Variants in TXNRD3 observed in about 807,000 individuals in gnomAD.
TXNRD3 encodes the protein thioredoxin reductase 3, also known as TXNRD3 neighbor gene protein.
TXNRD3 carries 68 observed loss-of-function variants against 78.2 expected under a neutral mutation model. The observed-to-expected ratio is 0.87, with a 90% CI of 0.72 to 1.06. TXNRD3 has a LOEUF of 1.06. Ranked by LOEUF, TXNRD3 falls within the 50% of genes least tolerant of loss-of-function variation. The probability of loss-of-function intolerance (pLI) is 0.00; values close to 1 mark genes in which losing one functional copy is unlikely to be tolerated. For missense variants in TXNRD3, 751 were observed against 809.5 expected, an observed-to-expected ratio of 0.93 and a Z score of 0.88; for synonymous variants, 296 against 300.1, an observed-to-expected ratio of 0.99 and a Z score of 0.14.
Position 126,608,902 on chromosome 3 carries a change from T to C in TXNRD3, c.1729-269A>G, listed in dbSNP as rs181610119. Among the ~76,000 whole-genome samples, 17 of 152,322 alleles carry C rather than the reference T, an allele frequency of 1.1e-4. No individual in the cohort carries two copies. In the East Asian group the frequency reaches 3.3e-3, roughly 29 times the overall value. Reference sequence around the variant, plus strand: ...TGCATGAAGGAGTTCATTAGTATGATGTAAATTTCCAAATTATGCTGAGAC... The same window carrying C: ...TGCATGAAGGAGTTCATTAGTATGACGTAAATTTCCAAATTATGCTGAGAC... On this transcript the variant is annotated intron_variant, in intron 14 of 15. Coordinates refer to ENST00000524230, the MANE Select transcript of TXNRD3 (RefSeq NM_052883.3).
At chr3:126,641,093 C>T (rs1382749115) in intron 6 of TXNRD3, among the ~76,000 whole-genome samples, 2 of 152,146 alleles carry the variant, frequency 1.3e-5, no homozygotes, top group Non-Finnish European at 2.9e-5. Flanking sequence ...ATCCTTGTAG[C>T]CAAGGATAAT....
intron 6 of TXNRD3, among the ~76,000 whole-genome samples, chr3:126,641,632 G>A (rs557838297): frequency 9.3e-4 from 141 of 152,254 alleles, no homozygotes; most frequent in African/African-American, 2.5e-3. Context: ...GCCAATACAT[G>A]TTTACTAGAT....
chr3:126,627,427 T>G (rs1174793217), intron 10 of TXNRD3, among the ~76,000 whole-genome samples: 1 of 152,212 alleles, frequency 6.6e-6, no homozygotes, highest in African/African-American at 2.4e-5. Context: ...CACAGAGCGC[T>G]TTCTGGACTC....
intron 1 of TXNRD3, among the ~76,000 whole-genome samples, chr3:126,650,493 T>G (rs570753591): frequency 3.9e-4 from 60 of 152,022 alleles, no homozygotes; most frequent in Non-Finnish European, 6.0e-4. Flanking sequence ...ATGCAAAAAT[T>G]ACTGAGGTGT....
At chr3:126,638,451 T>C (rs981084862) in intron 6 of TXNRD3, among the ~76,000 whole-genome samples, 1 of 152,132 alleles carries the variant, frequency 6.6e-6, no homozygotes, top group Non-Finnish European at 1.5e-5. Context: ...GAAAGCATTT[T>C]AGCCGGGCAC....
chr3:126,633,154 C>T (rs1411955588), intron 7 of TXNRD3, among the ~76,000 whole-genome samples: 1 of 151,902 alleles, frequency 6.6e-6, no homozygotes, highest in African/African-American at 2.4e-5. Context: ...TGATAACAAC[C>T]GTTAAACCTA....
chr3:126,654,931 G>C lies in TXNRD3; in HGVS notation c.60C>G (p.Arg20=), dbSNP rs1452504023. The change falls in exon 1 of 16, where the codon CGC becomes CGG. Residue 20 remains arginine (R), a synonymous_variant. Transcript: ENST00000524230. ...GCGCCCCTCGGACATGGCCCGAGCG[G>C]CGGTTGGGGGCATCGCCCGCCTTTC... is the stretch of plus-strand genomic sequence containing the variant. 2 of 1,295,790 alleles carry C rather than the reference G, an allele frequency of 1.5e-6. No homozygotes were observed. Among genetic ancestry groups the C allele is most frequent in the Non-Finnish European group, 1.9e-6 (2 of 1,028,380 alleles). 80.3% of individuals were successfully genotyped at this position (1,295,790 alleles called of 1,614,324 possible). A position where few individuals can be genotyped will look rare whatever the true frequency, so the allele number is the denominator to read the frequency against.
rs1938694460 is a variant in TXNRD3, at chr3:126,630,829, GACA to G, written c.1077_1079del (p.Val360del). ...GAAGGATTGAGCGTACCATAACTGT[GACA>G]TCTAGGCCAAAGCCAGCCAGAAACC... On this transcript the variant is annotated inframe_deletion, in exon 9 of 16. Coordinates refer to ENST00000524230, the MANE Select transcript of TXNRD3 (RefSeq NM_052883.3). 1.3e-6 allele frequency: 2 copies of G among 1,535,676 alleles called. No homozygotes were observed. The highest frequency in any genetic ancestry group is 1.7e-6 in the Non-Finnish European group (2 of 1,146,892).
chr3:126,629,486 G>A lies in TXNRD3; in HGVS notation c.1198-15C>T, dbSNP rs967356825. 4 of 1,514,568 alleles carry A rather than the reference G, an allele frequency of 2.6e-6. No individual in the cohort carries two copies. The highest frequency in any genetic ancestry group is 1.4e-5 in the African/African-American group (1 of 72,542). The allele number at this position is 1,514,568 out of a possible 1,614,324, so 93.8% of individuals were successfully genotyped here. On this transcript the variant is annotated splice_polypyrimidine_tract_variant and intron_variant, in intron 9 of 15. Coordinates refer to ENST00000524230, the MANE Select transcript of TXNRD3 (RefSeq NM_052883.3). Reference sequence around the variant, plus strand: ...AACTGTTGAACCTAGTAAGAATGAAGAGTGTAATGATGTTATCTAAATATG... The same window carrying A: ...AACTGTTGAACCTAGTAAGAATGAAAAGTGTAATGATGTTATCTAAATATG...
At chr3:126,641,491 A>G (rs979462946) in intron 6 of TXNRD3, among the ~76,000 whole-genome samples, 2 of 152,178 alleles carry the variant, frequency 1.3e-5, no homozygotes, top group South Asian at 4.1e-4. Context: ...CCTCAAGGCT[A>G]CATGGAGCCA....
chr3:126,639,954 G>C (rs564403144), intron 6 of TXNRD3, among the ~76,000 whole-genome samples: 2 of 152,122 alleles, frequency 1.3e-5, no homozygotes, highest in East Asian at 3.9e-4. Context: ...AAGTCAGGAG[G>C]CCTCATTTTA....
In TXNRD3 at chr3:126,647,231, C is replaced by T; in HGVS notation, c.304+5G>A. ...ACAACACTATGTTGTAACTGGTCTA[C>T]TTACCAACTTGATCAAGTTCCAAGA... On this transcript the variant is annotated splice_donor_5th_base_variant and intron_variant, in intron 2 of 15. Coordinates refer to ENST00000524230, the MANE Select transcript of TXNRD3 (RefSeq NM_052883.3). 1 of 1,533,774 alleles carries T rather than the reference C, an allele frequency of 6.5e-7. No individual in the cohort carries two copies. Among genetic ancestry groups the T allele is most frequent in the East Asian group, 2.4e-5 (1 of 40,886 alleles).
intron 12 of TXNRD3, 66 bp from the exon 13 acceptor site, chr3:126,615,528 A>G: frequency 1.3e-6 from 1 of 754,922 alleles, no homozygotes; most frequent in Non-Finnish European, 2.0e-6. Flanking sequence ...TATATTGCAT[A>G]TATTTATATA....
intron 1 of TXNRD3, among the ~76,000 whole-genome samples, chr3:126,652,429 A>G (rs1933412764): frequency 6.6e-6 from 1 of 152,202 alleles, no homozygotes; most frequent in African/African-American, 2.4e-5. Context: ...GATCCAAACC[A>G]TATCAATCCC....
chr3:126,620,001 C>T (rs890142590), intron 12 of TXNRD3, among the ~76,000 whole-genome samples: 1 of 152,160 alleles, frequency 6.6e-6, no homozygotes, highest in African/African-American at 2.4e-5. Context: ...AATCAAAACA[C>T]ACACACACTC....
rs1392292740 is a variant in TXNRD3 at position 126,608,055 on chromosome 3, C to T, written c.1864-82G>A. On this transcript the variant is annotated intron_variant, in intron 15 of 15. Coordinates refer to ENST00000524230, the MANE Select transcript of TXNRD3 (RefSeq NM_052883.3). ...ACACATTCTGAATATTATATTTATG[C>T]TATTCTTTAAAATATACAAATCTGG... The T allele has an allele frequency of 2.8e-6, 3 of 1,084,032 alleles. No individual in the cohort carries two copies. The African/African-American group carries it at 4.8e-5, about 17-fold the overall frequency. 67.2% of individuals were successfully genotyped at this position (1,084,032 alleles called of 1,614,324 possible). A position where few individuals can be genotyped will look rare whatever the true frequency, so the allele number is the denominator to read the frequency against.
intron 5 of TXNRD3, among the ~76,000 whole-genome samples, chr3:126,642,711 G>T (rs952299064): frequency 6.6e-6 from 1 of 152,188 alleles, no homozygotes. Context: ...GAGGAAAGAG[G>T]CCAGGGTGAG....
chr3:126,644,845 CTAACTTTTGTAG>C (rs1427022563), intron 3 of TXNRD3, among the ~76,000 whole-genome samples: 4 of 152,232 alleles, frequency 2.6e-5, no homozygotes, highest in Non-Finnish European at 4.4e-5. Context: ...ATAAATCGAT[CTAACTTTTGTAG>C]TTACACAGGT....
intron 10 of TXNRD3, among the ~76,000 whole-genome samples, chr3:126,624,135 T>C (rs977069233): frequency 6.6e-6 from 1 of 152,178 alleles, no homozygotes; most frequent in East Asian, 1.9e-4. Context: ...ATGAGGTTCA[T>C]ATGTTGGAAA....
Sources: allele counts gnomAD v4.1 joint callset (sites outside exome capture counted in the v4.1 genomes callset), GRCh38; gene constraint gnomAD v4.1.1; transcripts MANE v1.5; gene names NCBI Gene and HGNC (gene_info 2026-07-23, HGNC 2026-07-21).